The following KDM5A variants were observed in gnomAD, a reference collection of about 807,000 sequenced individuals.
KDM5A encodes lysine-specific demethylase 5A.
KDM5A carries 42 observed loss-of-function variants against 193.5 expected under a neutral mutation model. The observed-to-expected ratio is 0.22, with a 90% CI of 0.17 to 0.28. KDM5A has a LOEUF of 0.28. Among genes scored for constraint, KDM5A ranks in the 10% least tolerant of loss-of-function variants. The pLI is 1.00. For missense variants in KDM5A, 1,692 were observed against 2,055.1 expected (o/e 0.82, Z 3.42); for synonymous variants, 796 against 718.1 (o/e 1.11, Z -1.73).
Position 354,092 on chromosome 12 carries a change from G to A in KDM5A, c.1013C>T (p.Pro338Leu). The change falls in exon 8 of 28, where the codon CCT (proline) becomes CTT (leucine). Residue 338 changes from proline (P) to leucine (L), a missense_variant. This residue lies in a region of KDM5A where 62 missense variants were observed against 107.1 expected (regional missense o/e 0.58). Coordinates refer to ENST00000399788, the MANE Select transcript of KDM5A (RefSeq NM_001042603.3). Reference protein sequence around the residue: ...PDVPKGDWRCPKCVAEECSKP... With the variant: ...PDVPKGDWRCLKCVAEECSKP... ...GACGTGTACCTCGGCGACACATTTA[G>A]GACACCTCCAGTCTCCTTTGGGCAC... The A allele has an allele frequency of 6.2e-7, 1 of 1,613,750 alleles. No individual in the cohort carries two copies. The highest frequency in any genetic ancestry group is 8.5e-7 in the Non-Finnish European group (1 of 1,179,806).
Position 362,954 on chromosome 12 carries a change from C to T in KDM5A, c.672+9G>A. On this transcript the variant is annotated intron_variant, in intron 5 of 27. Transcript: ENST00000399788. ...TTTAAAAATTTAAAAAAGCCCAAGA[C>T]ATTGATACCTGAGTCTTCACACGTC... 6.2e-7 allele frequency: 1 copy of T among 1,613,880 alleles called. No individual in the cohort carries two copies. The highest frequency in any genetic ancestry group is 8.5e-7 in the Non-Finnish European group (1 of 1,179,758).
chr12:367,779 T>C (rs537253978), intron 3 of KDM5A, among the ~76,000 whole-genome samples: 3 of 151,790 alleles, frequency 2.0e-5, no homozygotes, highest in Admixed American at 6.6e-5. Context: ...GGAGGATCAG[T>C]TGAACCCAGG....
chr12:315,917 T>C (rs190092243), intron 19 of KDM5A, among the ~76,000 whole-genome samples: 80 of 152,286 alleles, frequency 5.3e-4, no homozygotes, highest in Admixed American at 1.9e-3. Context: ...ATCTATATTA[T>C]AAATGAAGAT....
intron 8 of KDM5A, among the ~76,000 whole-genome samples, chr12:353,794 C>T (rs936845084): frequency 1.3e-5 from 2 of 151,994 alleles, no homozygotes; most frequent in Middle Eastern, 3.4e-3. Context: ...TGGTGGCTCG[C>T]GCCTGTAGTC....
intron 18 of KDM5A, among the ~76,000 whole-genome samples, 167 bp from the exon 19 acceptor site, chr12:318,628 T>C (rs1362293124): frequency 6.6e-6 from 1 of 152,258 alleles, no homozygotes; most frequent in African/African-American, 2.4e-5. Flanking sequence ...TATGCTTTTG[T>C]GTAATTACTT....
intron 18 of KDM5A, among the ~76,000 whole-genome samples, chr12:319,080 T>A (rs1382928403): frequency 6.6e-6 from 1 of 152,166 alleles, no homozygotes; most frequent in Non-Finnish European, 1.5e-5. Context: ...GAAATGTTGT[T>A]AAAAAATAAG....
At position 381,156 on chromosome 12, in the gene KDM5A, G is replaced by A. The variant is rs146661844; in HGVS notation, c.366+2875C>T. 2.5e-3 allele frequency among the ~76,000 whole-genome samples: 378 copies of A among 152,170 alleles called. 14 individuals are homozygous for A. The East Asian group carries it at 0.048, about 19-fold the overall frequency. On this transcript the variant is annotated intron_variant, in intron 3 of 27. Transcript: ENST00000399788. ...ATTACAGGCATGTGCCACCACGTCC[G>A]GCTAATTTTGTATTTTTAGTAGAGA...
intron 3 of KDM5A, among the ~76,000 whole-genome samples, chr12:380,987 GTTTTA>G (rs1172371579): frequency 1.5e-4 from 16 of 106,624 alleles, no homozygotes; most frequent in African/African-American, 5.7e-4. Context: ...GTAGAGATAG[GTTTTA>G]TTTTATTTTT....
chr12:355,351 A>T, intron 6 of KDM5A, 102 bp from the exon 7 acceptor site: 1 of 746,802 alleles, frequency 1.3e-6, no homozygotes, highest in Admixed American at 1.9e-5. Flanking sequence ...AAATCTTACA[A>T]CTGTTTATCT....
intron 10 of KDM5A, among the ~76,000 whole-genome samples, chr12:345,774 G>C (rs907399132): frequency 2.0e-5 from 3 of 152,208 alleles, no homozygotes; most frequent in Non-Finnish European, 4.4e-5. Context: ...GCAGTGTGTA[G>C]AGGGAAATTT....
At chr12:302,992 C>T (rs542962869) in intron 24 of KDM5A, among the ~76,000 whole-genome samples, 256 of 152,222 alleles carry the variant, frequency 1.7e-3, no homozygotes, top group African/African-American at 5.7e-3. Context: ...GCTAAAATGG[C>T]AATCATTAAA....
intron 3 of KDM5A, among the ~76,000 whole-genome samples, chr12:374,962 C>A (rs1944482679): frequency 6.6e-6 from 1 of 152,116 alleles, no homozygotes; most frequent in African/African-American, 2.4e-5. Context: ...GTCTGATGGG[C>A]TTCCCTTTGT....
At chr12:388,616 C>T in intron 1 of KDM5A, 1 of 448,412 alleles carries the variant, frequency 2.2e-6, no homozygotes, top group Non-Finnish European at 4.1e-6. Context: ...GGGAAGAATA[C>T]GTCACGTCAT....
At chr12:293,788 AGGGG>A (rs34107168) in intron 26 of KDM5A, among the ~76,000 whole-genome samples, 2 of 82,898 alleles carry the variant, frequency 2.4e-5, no homozygotes, top group South Asian at 4.9e-4. Context: ...CAAAAAAAAA[AGGGG>A]GGGGGGGGGA....
chr12:381,165 T>C (rs190213256), intron 3 of KDM5A, among the ~76,000 whole-genome samples: 83 of 152,224 alleles, frequency 5.5e-4, no homozygotes, highest in African/African-American at 1.9e-3. Context: ...CGGCTAATTT[T>C]GTATTTTTAG....
At chr12:327,140 G>A (rs550014376) in intron 14 of KDM5A, among the ~76,000 whole-genome samples, 1 of 152,282 alleles carries the variant, frequency 6.6e-6, no homozygotes, top group South Asian at 2.1e-4. Context: ...ATAGGTGGAA[G>A]GTATGTTTAA....
At chr12:309,523 A>G (rs1262544800) in intron 22 of KDM5A, among the ~76,000 whole-genome samples, 1 of 152,232 alleles carries the variant, frequency 6.6e-6, no homozygotes, top group Non-Finnish European at 1.5e-5. Flanking sequence ...GACTTACTGT[A>G]CTCAGCAAAC....
Position 322,311 on chromosome 12 carries a change from C to G in KDM5A, c.2426+106G>C, listed in dbSNP as rs74055629. 8,687 of 969,846 alleles carry G rather than the reference C, an allele frequency of 9.0e-3. 448 individuals carry two copies. In the African/African-American group the frequency reaches 0.12, roughly 13 times the overall value. The allele number at this position is 969,846 out of a possible 1,614,324, so 60.1% of individuals were successfully genotyped here. ...ACTGGGGAAGCAAGAGACATGGCAACAAGAGGTCAAAGATAATGTACGGCT... is the reference window on the plus strand; with the variant it reads ...ACTGGGGAAGCAAGAGACATGGCAAGAAGAGGTCAAAGATAATGTACGGCT... On this transcript the variant is annotated intron_variant, in intron 17 of 27. Transcript: ENST00000399788.
chr12:348,650 C>A (rs1297627716), intron 10 of KDM5A, among the ~76,000 whole-genome samples: 1 of 151,986 alleles, frequency 6.6e-6, no homozygotes, highest in African/African-American at 2.4e-5. Context: ...TCTCAGCAAA[C>A]TATCACAGGG....
Sources: allele counts gnomAD v4.1 joint callset (sites outside exome capture counted in the v4.1 genomes callset), GRCh38; gene constraint gnomAD v4.1.1; regional missense constraint gnomAD v4.1.1; transcripts MANE v1.5; gene names NCBI Gene and HGNC (gene_info 2026-07-23, HGNC 2026-07-21).